The following FBN1 variants were observed in gnomAD, a reference collection of about 807,000 sequenced individuals.
The protein encoded by FBN1 is fibrillin 1, also known as fibrillin-1.
A neutral mutation model predicts 365.1 loss-of-function variants in FBN1; 29 were observed. That is an observed-to-expected ratio of 0.08 (90% CI 0.06 to 0.11). The LOEUF is 0.11. Among genes scored for constraint, FBN1 ranks in the 10% least tolerant of loss-of-function variants. The pLI, the probability that FBN1 is intolerant of heterozygous loss-of-function variation, is 1.00. For synonymous variants in FBN1, 1,210 were observed against 1,270.5 expected (o/e 0.95, Z 1.01); for missense variants, 2,476 against 3,703.2 (o/e 0.67, Z 8.60).
At position 48,497,132 on chromosome 15, in the gene FBN1, C is replaced by T. The variant is rs2043614689; in HGVS notation, c.2293+134G>A. On this transcript the variant is annotated intron_variant, in intron 19 of 65. Transcript: ENST00000316623. ...TTTTGTTACTAAAGATATGTATATGCTGTGCTAACATCCGAAGTATAAAGT... is the reference window on the plus strand; with the variant it reads ...TTTTGTTACTAAAGATATGTATATGTTGTGCTAACATCCGAAGTATAAAGT... 3 of 969,688 alleles carry T rather than the reference C, an allele frequency of 3.1e-6. No individual in the cohort carries two copies. The South Asian group carries it at 3.9e-5, about 13-fold the overall frequency. The allele number at this position is 969,688 out of a possible 1,614,324, so 60.1% of individuals were successfully genotyped here.
chr15:48,578,185 T>C (rs1218230571), intron 6 of FBN1, among the ~76,000 whole-genome samples: 1 of 152,200 alleles, frequency 6.6e-6, no homozygotes, highest in Admixed American at 6.5e-5. Flanking sequence ...GTAGTTCAAA[T>C]TCATTTTTAG....
chr15:48,554,695 G>A (rs1358606243), intron 6 of FBN1, among the ~76,000 whole-genome samples: 3 of 152,068 alleles, frequency 2.0e-5, no homozygotes, highest in Non-Finnish European at 2.9e-5. Context: ...CTGTAAATGT[G>A]TCATATAGTG....
rs868667291 is a variant in FBN1 at position 48,495,522 on chromosome 15, A to G, written c.2486T>C (p.Ile829Thr). ...AGTACTTTCAGAAGAACATTCACAA[A>G]TAAAAGAGCCTGGGCTGTTCTTGCA... is the stretch of plus-strand genomic sequence containing the variant. ...GVCKNSPGSF[I>T]CECSSESTLD... is the part of the protein sequence containing the mutation. Residue 829 changes from isoleucine (I) to threonine (T), a missense_variant, in exon 21 of 66, where the codon ATT (isoleucine) becomes ACT (threonine). Transcript: ENST00000316623. The G allele has an allele frequency of 6.2e-7, 1 of 1,614,094 alleles. No individual in the cohort carries two copies. The highest frequency in any genetic ancestry group is 1.3e-5 in the African/African-American group (1 of 75,058).
chr15:48,596,903 T>C (rs974221853), intron 5 of FBN1, among the ~76,000 whole-genome samples: 6 of 152,242 alleles, frequency 3.9e-5, no homozygotes, highest in African/African-American at 1.4e-4. Flanking sequence ...ACGGAAACTA[T>C]TGGTGCAGTA....
At position 48,520,823 on chromosome 15, in the gene FBN1, G is replaced by T. The variant is rs993063686; in HGVS notation, c.989-6C>A. Reference sequence around the variant, plus strand: ...ACAGTATCCTGGGCGAACATCTGAGGACAAAGAAACACATACACACACACA... The same window carrying T: ...ACAGTATCCTGGGCGAACATCTGAGTACAAAGAAACACATACACACACACA... On this transcript the variant is annotated splice_region_variant and splice_polypyrimidine_tract_variant and intron_variant, in intron 9 of 65. Transcript: ENST00000316623. The T allele has an allele frequency of 6.2e-6, 10 of 1,614,038 alleles. No individual in the cohort carries two copies. In the East Asian group the frequency reaches 2.2e-4, roughly 36 times the overall value.
At chr15:48,546,854 T>C (rs1185029309) in intron 6 of FBN1, among the ~76,000 whole-genome samples, 1 of 152,100 alleles carries the variant, frequency 6.6e-6, no homozygotes, top group Admixed American at 6.5e-5. Context: ...ATGGATCAGA[T>C]GGGAAGCGTG....
At chr15:48,470,861 G>T in intron 35 of FBN1, 105 bp from the exon 36 acceptor site, 1 of 1,280,010 alleles carries the variant, frequency 7.8e-7, no homozygotes, top group Non-Finnish European at 1.1e-6. Flanking sequence ...AAAATGCAGA[G>T]TATCTAACAC....
chr15:48,456,843 C>CGT lies in FBN1; in HGVS notation c.5297-83_5297-82dup, dbSNP rs3074895. On this transcript the variant is annotated intron_variant, in intron 43 of 65. Transcript: ENST00000316623. ...GGTAAGACAAGATGGAAAGTGCGTG[C>CGT]GTGTGTGTGTGTGTGTGTGTGTGTG... The CGT allele has an allele frequency of 0.17, 118,294 of 713,510 alleles. 376 individuals carry two copies. Among genetic ancestry groups the CGT allele is most frequent in the Middle Eastern group, 0.21 (728 of 3,420 alleles). The allele number at this position is 713,510 out of a possible 1,614,324, so 44.2% of individuals were successfully genotyped here. A position where few individuals can be genotyped will look rare whatever the true frequency, so the allele number is the denominator to read the frequency against.
rs1421104232 is a variant in FBN1 at position 48,445,363 on chromosome 15, G to C, written c.5917+13C>G. 1.6e-5 allele frequency: 26 copies of C among 1,611,990 alleles called. No homozygotes were observed. The East Asian group carries it at 4.7e-4, about 29-fold the overall frequency. On this transcript the variant is annotated intron_variant, in intron 48 of 65. Transcript: ENST00000316623. ...AAGCATTCTTTCCAGGTCTTTCTAAGTCCTGTACTTACCCACACAGGTCCT... is the reference window on the plus strand; with the variant it reads ...AAGCATTCTTTCCAGGTCTTTCTAACTCCTGTACTTACCCACACAGGTCCT...
At chr15:48,509,525 A>C (rs954782492) in intron 14 of FBN1, among the ~76,000 whole-genome samples, 2 of 148,032 alleles carry the variant, frequency 1.4e-5, no homozygotes, top group African/African-American at 4.9e-5. Flanking sequence ...TATGTATTTT[A>C]TGAATATTAT....
intron 8 of FBN1, 113 bp downstream of exon 8, chr15:48,533,967 G>A (rs2043992598): frequency 7.1e-7 from 1 of 1,411,390 alleles, no homozygotes; most frequent in Admixed American, 1.7e-5. Context: ...CACATTCACA[G>A]GGATGACAAA....
At chr15:48,418,826 T>TG (rs2042919475) in intron 63 of FBN1, among the ~76,000 whole-genome samples, 1 of 152,234 alleles carries the variant, frequency 6.6e-6, no homozygotes, top group Non-Finnish European at 1.5e-5. Flanking sequence ...GCATCCAGCT[T>TG]GCACTGTTCA....
chr15:48,524,420 T>G (rs2043890250), intron 9 of FBN1, among the ~76,000 whole-genome samples: 1 of 152,224 alleles, frequency 6.6e-6, no homozygotes, highest in African/African-American at 2.4e-5. Flanking sequence ...TGGATTTGTT[T>G]ATACTGTCAG....
At chr15:48,534,034 C>T in intron 8 of FBN1, 46 bp downstream of exon 8, 1 of 1,611,474 alleles carries the variant, frequency 6.2e-7, no homozygotes, top group Non-Finnish European at 8.5e-7. Flanking sequence ...TTGAGTTTTG[C>T]CTGCCCCCAC....
intron 9 of FBN1, among the ~76,000 whole-genome samples, chr15:48,521,568 C>T (rs572908140): frequency 6.6e-6 from 1 of 152,298 alleles, no homozygotes; most frequent in South Asian, 2.1e-4. Flanking sequence ...ATTTCTATAT[C>T]ACTTTTATTG....
rs752999845 is a variant in FBN1 at position 48,510,143 on chromosome 15, G to A, written c.1615C>T (p.Arg539Trp). Residue 539 changes from arginine to tryptophan, a missense_variant, in exon 14 of 66, where the codon CGG becomes TGG. By Grantham distance (101) the Arg-to-Trp change is moderately radical (BLOSUM62 -3). Transcript: ENST00000316623. ...RDIDECLQNG[R>W]ICNNGRCINT... is the part of the protein sequence containing the mutation. ...ATGCAGCGTCCATTATTGCAGATCCGGCCATTCTGTAAACACTCATCAATG... is the reference window on the plus strand; with the variant it reads ...ATGCAGCGTCCATTATTGCAGATCCAGCCATTCTGTAAACACTCATCAATG... The A allele has an allele frequency of 8.1e-6, 13 of 1,613,110 alleles. No individual in the cohort carries two copies. The highest frequency in any genetic ancestry group is 1.7e-4 in the Middle Eastern group (1 of 6,060).
intron 41 of FBN1, among the ~76,000 whole-genome samples, chr15:48,463,687 A>T (rs1448904063): frequency 6.6e-6 from 1 of 152,226 alleles, no homozygotes; most frequent in African/African-American, 2.4e-5. Context: ...TTTCCAACAT[A>T]CATTTTAGAG....
At chr15:48,453,465 A>G (rs1293716464) in intron 44 of FBN1, among the ~76,000 whole-genome samples, 2 of 152,108 alleles carry the variant, frequency 1.3e-5, no homozygotes, top group Non-Finnish European at 2.9e-5. Context: ...TGGAGACAGT[A>G]AAAAATCAGT....
chr15:48,622,140 GAAAAGTT>G (rs1469711508), intron 2 of FBN1, among the ~76,000 whole-genome samples: 1 of 152,160 alleles, frequency 6.6e-6, no homozygotes, highest in Non-Finnish European at 1.5e-5. Context: ...GTTCTAAAGT[GAAAAGTT>G]TATTTTAAGG....
Sources: allele counts gnomAD v4.1 joint callset (sites outside exome capture counted in the v4.1 genomes callset), GRCh38; gene constraint gnomAD v4.1.1; transcripts MANE v1.5; gene names NCBI Gene and HGNC (gene_info 2026-07-23, HGNC 2026-07-21).